The following SYT1 variants were observed in gnomAD, a reference collection of about 807,000 sequenced individuals.
SYT1 encodes synaptotagmin 1, also known as synaptotagmin-1.
Under a neutral mutation model 44.8 loss-of-function variants are expected in SYT1, and 8 were observed. That is an observed-to-expected ratio of 0.18 (90% CI 0.10 to 0.32). SYT1 has a LOEUF of 0.32. Ranked by LOEUF, SYT1 falls within the 10% of genes least tolerant of loss-of-function variation. The pLI, the probability that SYT1 is intolerant of heterozygous loss-of-function variation, is 1.00. For synonymous variants in SYT1, 154 were observed against 188.8 expected, an observed-to-expected ratio of 0.82 and a Z score of 1.51; for missense variants, 286 against 509.3, an observed-to-expected ratio of 0.56 and a Z score of 4.22.
intron 9 of SYT1, among the ~76,000 whole-genome samples, chr12:79,356,900 T>C (rs2136015272): frequency 6.6e-6 from 1 of 152,306 alleles, no homozygotes; most frequent in South Asian, 2.1e-4. Flanking sequence ...GGGATAAATA[T>C]GCAACATGGG....
intron 1 of SYT1, among the ~76,000 whole-genome samples, chr12:78,913,100 C>T (rs1415915800): frequency 6.6e-6 from 1 of 151,660 alleles, no homozygotes; most frequent in Non-Finnish European, 1.5e-5. Flanking sequence ...CTTGATTTTC[C>T]ATTTAAAATT....
chr12:78,931,215 GAAAGAAAGAAAGAAAGAAA>G (rs1565723231), intron 1 of SYT1, among the ~76,000 whole-genome samples: 26 of 52,134 alleles, frequency 5.0e-4, no homozygotes, highest in African/African-American at 2.3e-3. Flanking sequence ...AAGAAAGAAA[GAAAGAAAGAAAGAAAGAAA>G]GAAAGAAGGA....
intron 1 of SYT1, among the ~76,000 whole-genome samples, chr12:78,939,655 G>T (rs1878245617): frequency 1.3e-5 from 2 of 152,158 alleles, no homozygotes; most frequent in African/African-American, 4.8e-5. Flanking sequence ...TTGTATGAGA[G>T]AAACTGGGAC....
At chr12:79,033,582 T>C (rs546887409) in intron 2 of SYT1, among the ~76,000 whole-genome samples, 6 of 151,512 alleles carry the variant, frequency 4.0e-5, no homozygotes, top group African/African-American at 1.2e-4. Context: ...CTTTGGTCTT[T>C]TCTGTTTATC....
At position 79,156,385 on chromosome 12, in the gene SYT1, AC is replaced by A. The variant is rs199823375; in HGVS notation, c.-17-61113del. On this transcript the variant is annotated intron_variant, in intron 3 of 10. Transcript: ENST00000261205. Reference sequence around the variant, plus strand: ...TTGTTTGCCTTCAGAGACTATTCTTACCCCCAAACTGCCTGAAAACTGTAGG... The same window carrying A: ...TTGTTTGCCTTCAGAGACTATTCTTACCCCAAACTGCCTGAAAACTGTAGG... 9.2e-3 allele frequency among the ~76,000 whole-genome samples: 1,400 copies of A among 152,030 alleles called. 32 individuals carry two copies. The highest frequency in any genetic ancestry group is 0.032 in the African/African-American group (1,332 of 41,446).
intron 8 of SYT1, among the ~76,000 whole-genome samples, chr12:79,336,860 G>A (rs1882113911): frequency 1.3e-5 from 2 of 152,014 alleles, no homozygotes; most frequent in South Asian, 4.2e-4. Context: ...TTTGGGGGGT[G>A]GAGACAGGGT....
At chr12:79,337,946 A>C (rs1882164501) in intron 8 of SYT1, among the ~76,000 whole-genome samples, 1 of 152,228 alleles carries the variant, frequency 6.6e-6, no homozygotes. Flanking sequence ...TGAGGACAGG[A>C]AAGTAGAATG....
At chr12:78,976,955 A>G (rs962535089) in intron 1 of SYT1, among the ~76,000 whole-genome samples, 2 of 152,168 alleles carry the variant, frequency 1.3e-5, no homozygotes, top group Non-Finnish European at 2.9e-5. Context: ...TTCTAAAATT[A>G]TTACTTTCAA....
chr12:78,988,604 G>C lies in SYT1; in HGVS notation c.-84+10673G>C, dbSNP rs574023591. Among the ~76,000 whole-genome samples the C allele has an allele frequency of 5.3e-5, 8 of 152,030 alleles. No individual in the cohort carries two copies. The East Asian group carries it at 1.6e-3, about 29-fold the overall frequency. On this transcript the variant is annotated intron_variant, in intron 2 of 10. Transcript: ENST00000261205. ...CATCTTGATAATGTTTCCTGGAAGA[G>C]CATTGCAGACATAAAGAACAAGACA...
intron 5 of SYT1, among the ~76,000 whole-genome samples, chr12:79,288,941 C>G (rs987990801): frequency 1.3e-5 from 2 of 152,074 alleles, no homozygotes; most frequent in Admixed American, 1.3e-4. Flanking sequence ...CATTCTGACA[C>G]ACATCAAGAG....
chr12:79,317,277 T>C (rs1006394998), intron 8 of SYT1, among the ~76,000 whole-genome samples: 1 of 152,228 alleles, frequency 6.6e-6, no homozygotes, highest in Non-Finnish European at 1.5e-5. Context: ...CTAAGCTTTT[T>C]TCGAAAGCTG....
chr12:79,293,157 A>C (rs1212082566), intron 6 of SYT1, among the ~76,000 whole-genome samples: 7 of 62,176 alleles, frequency 1.1e-4, no homozygotes, highest in African/African-American at 3.3e-4. Context: ...CAAAAAATAC[A>C]AAAAAAAAAA....
chr12:79,340,010 G>A (rs1286374842), intron 8 of SYT1, among the ~76,000 whole-genome samples: 2 of 152,134 alleles, frequency 1.3e-5, no homozygotes, highest in Non-Finnish European at 1.5e-5. Flanking sequence ...TGAGGGCTCT[G>A]TTCTGTTCCA....
intron 3 of SYT1, among the ~76,000 whole-genome samples, chr12:79,147,321 GA>G (rs1869981906): frequency 1.3e-5 from 2 of 151,980 alleles, no homozygotes; most frequent in Non-Finnish European, 2.9e-5. Context: ...CTAAGTATAT[GA>G]AAAGGAAAGA....
intron 4 of SYT1, among the ~76,000 whole-genome samples, chr12:79,253,285 A>G (rs941137): frequency 5.9e-5 from 9 of 151,958 alleles, no homozygotes; most frequent in Non-Finnish European, 1.2e-4. Context: ...CGCTCACTCT[A>G]TCTCTCTCAT....
intron 4 of SYT1, among the ~76,000 whole-genome samples, chr12:79,226,879 C>A (rs1186109325): frequency 6.6e-6 from 1 of 152,060 alleles, no homozygotes; most frequent in Non-Finnish European, 1.5e-5. Context: ...AAAAATAAAA[C>A]ACATCCTTAA....
chr12:79,437,834 G>A (rs1870178571), intron 9 of SYT1, among the ~76,000 whole-genome samples: 5 of 152,032 alleles, frequency 3.3e-5, no homozygotes, highest in South Asian at 2.1e-4. Flanking sequence ...TGAGAAAAGG[G>A]GTGCAGAGAA....
At chr12:78,876,461 G>GTTTT (rs1491347037) in intron 1 of SYT1, among the ~76,000 whole-genome samples, 1 of 30,214 alleles carries the variant, frequency 3.3e-5, no homozygotes, top group East Asian at 6.0e-4. Flanking sequence ...GAAAATGGAG[G>GTTTT]TGTTTTTTTT....
intron 3 of SYT1, among the ~76,000 whole-genome samples, chr12:79,104,120 T>TA (rs1000850626): frequency 2.6e-5 from 4 of 151,832 alleles, no homozygotes; most frequent in African/African-American, 9.7e-5. Context: ...TATGTTATTA[T>TA]AAAAAAATTA....
Sources: allele counts gnomAD v4.1 joint callset (sites outside exome capture counted in the v4.1 genomes callset), GRCh38; gene constraint gnomAD v4.1.1; transcripts MANE v1.5; gene names NCBI Gene and HGNC (gene_info 2026-07-23, HGNC 2026-07-21).